DSCAM: variants seen among roughly 807,000 people sequenced by gnomAD.
The protein encoded by DSCAM is cell adhesion molecule DSCAM.
In DSCAM, 47 loss-of-function variants were observed where a neutral mutation model predicts 217.7. That is an observed-to-expected ratio of 0.22 (90% CI 0.17 to 0.28). The LOEUF (loss-of-function observed/expected upper bound fraction) is 0.28. DSCAM is among the 10% of genes least tolerant of loss of function. The pLI is 1.00. For synonymous variants in DSCAM, 1,056 were observed against 1,015.3 expected (o/e 1.04, Z -0.76); for missense variants, 2,080 against 2,618.3 (o/e 0.79, Z 4.49).
chr21:40,622,917 T>C (rs1267101162), intron 3 of DSCAM, among the ~76,000 whole-genome samples: 1 of 152,224 alleles, frequency 6.6e-6, no homozygotes, highest in African/African-American at 2.4e-5. Flanking sequence ...TGCTCATTCT[T>C]TGTCATATAA....
At chr21:40,644,704 C>T (rs1284498674) in intron 3 of DSCAM, among the ~76,000 whole-genome samples, 1 of 152,178 alleles carries the variant, frequency 6.6e-6, no homozygotes, top group African/African-American at 2.4e-5. Context: ...AGCCTGCTCC[C>T]ACTCTGTAGA....
At chr21:40,819,831 TC>T (rs1377092746) in intron 1 of DSCAM, among the ~76,000 whole-genome samples, 1 of 152,158 alleles carries the variant, frequency 6.6e-6, no homozygotes, top group African/African-American at 2.4e-5. Context: ...TGATCCTCAC[TC>T]CCCTCTTATC....
At chr21:40,318,276 G>A (rs1205827350) in intron 8 of DSCAM, among the ~76,000 whole-genome samples, 1 of 151,110 alleles carries the variant, frequency 6.6e-6, no homozygotes, top group African/African-American at 2.4e-5. Flanking sequence ...CATGGCACAT[G>A]TATACATGTG....
At chr21:40,123,456 A>G (rs954516237) in intron 20 of DSCAM, among the ~76,000 whole-genome samples, 1 of 152,164 alleles carries the variant, frequency 6.6e-6, no homozygotes, top group Non-Finnish European at 1.5e-5. Flanking sequence ...GTTTCCATGA[A>G]GACATCGTCA....
chr21:40,481,407 A>G (rs2075981248), intron 3 of DSCAM, among the ~76,000 whole-genome samples: 1 of 151,700 alleles, frequency 6.6e-6, no homozygotes, highest in East Asian at 1.9e-4. Flanking sequence ...GGAGAATGGC[A>G]TGAACCCGGG....
chr21:40,653,018 C>T (rs1396498184), intron 3 of DSCAM, among the ~76,000 whole-genome samples: 6 of 152,210 alleles, frequency 3.9e-5, no homozygotes, highest in Non-Finnish European at 7.3e-5. Flanking sequence ...TGTGTTGTCA[C>T]AACTTCTTAC....
chr21:40,375,760 G>A (rs1338369528), intron 3 of DSCAM, among the ~76,000 whole-genome samples: 1 of 152,102 alleles, frequency 6.6e-6, no homozygotes, highest in Non-Finnish European at 1.5e-5. Context: ...TGCATGCATG[G>A]GTGGATGAAA....
At chr21:40,818,547 C>CAAAAA (rs60730859) in intron 1 of DSCAM, among the ~76,000 whole-genome samples, 35 of 41,856 alleles carry the variant, frequency 8.4e-4, no homozygotes, top group East Asian at 5.3e-3. Context: ...CTCCGTCTCA[C>CAAAAA]AAAAAAAAAA....
chr21:40,573,934 A>C (rs1381534255), intron 3 of DSCAM, among the ~76,000 whole-genome samples: 2 of 152,192 alleles, frequency 1.3e-5, no homozygotes, highest in Non-Finnish European at 2.9e-5. Context: ...GCAAGAAAAA[A>C]TAGAACATCT....
intron 3 of DSCAM, among the ~76,000 whole-genome samples, chr21:40,563,720 A>ATATGTT (rs199991401): frequency 0.024 from 3,359 of 142,020 alleles, 159 homozygotes; most frequent in African/African-American, 0.079. Context: ...AGTTATGTTT[A>ATATGTT]TATATGTTTA....
chr21:40,345,593 T>C (rs1029189384), intron 6 of DSCAM, among the ~76,000 whole-genome samples: 4 of 152,334 alleles, frequency 2.6e-5, no homozygotes, highest in Middle Eastern at 3.4e-3. Flanking sequence ...TATAGCCTCA[T>C]AGGAAATATT....
At chr21:40,212,115 G>A (rs770472436) in intron 11 of DSCAM, among the ~76,000 whole-genome samples, 52 of 152,012 alleles carry the variant, frequency 3.4e-4, no homozygotes, top group African/African-American at 8.4e-4. Flanking sequence ...GATTATAGGC[G>A]TGCACCACCA....
chr21:40,336,167 T>C (rs901717171), intron 8 of DSCAM, among the ~76,000 whole-genome samples: 4 of 152,228 alleles, frequency 2.6e-5, no homozygotes, highest in African/African-American at 4.8e-5. Context: ...AGTATGTCTG[T>C]GCTTGCTTGA....
intron 1 of DSCAM, among the ~76,000 whole-genome samples, chr21:40,792,190 G>C (rs1300850667): frequency 1.4e-5 from 2 of 145,994 alleles, no homozygotes; most frequent in African/African-American, 5.2e-5. Context: ...CCGGGCTGGA[G>C]TGCAGTGGCG....
chr21:40,728,873 GAAATT>G (rs2090984778), intron 1 of DSCAM, among the ~76,000 whole-genome samples: 1 of 152,156 alleles, frequency 6.6e-6, no homozygotes, highest in Admixed American at 6.5e-5. Flanking sequence ...AGAAGAGAAG[GAAATT>G]AGTTACCCTG....
At chr21:40,813,970 A>C (rs2123556359) in intron 1 of DSCAM, among the ~76,000 whole-genome samples, 1 of 152,028 alleles carries the variant, frequency 6.6e-6, no homozygotes, top group East Asian at 1.9e-4. Context: ...TTTTGGAGTT[A>C]ATTTCCAGCT....
intron 4 of DSCAM, among the ~76,000 whole-genome samples, chr21:40,368,527 T>C (rs920187032): frequency 6.6e-6 from 1 of 152,212 alleles, no homozygotes; most frequent in African/African-American, 2.4e-5. Context: ...ATCCCAACAG[T>C]ACATTATCAA....
At chr21:40,100,629 C>T (rs1007570254) in intron 20 of DSCAM, among the ~76,000 whole-genome samples, 1 of 147,924 alleles carries the variant, frequency 6.8e-6, no homozygotes, top group African/African-American at 2.6e-5. Flanking sequence ...TTCAGAGACT[C>T]TGAATCTTTT....
intron 11 of DSCAM, among the ~76,000 whole-genome samples, chr21:40,189,621 G>C (rs1490784350): frequency 6.6e-6 from 1 of 152,136 alleles, no homozygotes; most frequent in East Asian, 1.9e-4. Context: ...CCTGGTGGGG[G>C]GTAATTGAGT....
Sources: gnomAD v4.1 joint callset for allele counts (sites outside exome capture counted in the v4.1 genomes callset) on GRCh38, gnomAD v4.1.1 for gene constraint, MANE v1.5 for transcripts, NCBI Gene and HGNC (gene_info 2026-07-23, HGNC 2026-07-21) for gene names.